Variants in FSTL4 observed in about 807,000 individuals in gnomAD.
FSTL4 encodes the protein follistatin like 4.
FSTL4 carries 28 observed loss-of-function variants against 78.2 expected under a neutral mutation model. That is an observed-to-expected ratio of 0.36 (90% CI 0.27 to 0.49). The LOEUF is 0.49. FSTL4 is among the 20% of genes least tolerant of loss of function. The pLI is 0.98. For synonymous variants in FSTL4, 422 were observed against 440.5 expected (o/e 0.96, Z 0.53); for missense variants, 922 against 1,084.9 (o/e 0.85, Z 2.11).
At chr5:133,833,240 G>A in the FSTL4 span, among the ~76,000 whole-genome samples, 1 of 152,288 alleles carries the variant, frequency 6.6e-6, no homozygotes, top group African/African-American at 2.4e-5. Flanking sequence ...ACTGAGATTT[G>A]GGAGGTTGTT....
chr5:133,417,958 TAAAAAAAAAAA>T (rs527415337), intron 3 of FSTL4, among the ~76,000 whole-genome samples: 956 of 51,122 alleles, frequency 0.019, 29 homozygotes, highest in African/African-American at 0.094. Context: ...GACTCCATCT[TAAAAAAAAAAA>T]AAAAAAAAAA....
At chr5:133,776,940 C>CA in the FSTL4 span, among the ~76,000 whole-genome samples, 3 of 152,272 alleles carry the variant, frequency 2.0e-5, no homozygotes, top group South Asian at 6.2e-4. Context: ...TGGCCTACCC[C>CA]TTTGTGCCTA....
intron 4 of FSTL4, among the ~76,000 whole-genome samples, chr5:133,327,195 G>A (rs1203025880): frequency 6.6e-6 from 1 of 152,212 alleles, no homozygotes; most frequent in Non-Finnish European, 1.5e-5. Flanking sequence ...TTCCCTAGAG[G>A]AAGCCCAGGA....
At chr5:133,252,850 C>T (rs1220605734) in intron 6 of FSTL4, among the ~76,000 whole-genome samples, 2 of 152,172 alleles carry the variant, frequency 1.3e-5, no homozygotes, top group Non-Finnish European at 2.9e-5. Context: ...TTCTGTGTCC[C>T]TCCGGTCCTC....
intron 3 of FSTL4, among the ~76,000 whole-genome samples, chr5:133,401,336 C>T (rs1264393847): frequency 1.3e-5 from 2 of 152,200 alleles, no homozygotes; most frequent in Admixed American, 6.5e-5. Flanking sequence ...AATGAAAACA[C>T]CCAGCTATTC....
the FSTL4 span, among the ~76,000 whole-genome samples, chr5:133,827,965 A>C: frequency 1.3e-5 from 2 of 152,160 alleles, no homozygotes; most frequent in African/African-American, 2.4e-5. Context: ...AATGCTGAAC[A>C]CTTGGTATCT....
intron 2 of FSTL4, among the ~76,000 whole-genome samples, chr5:133,600,890 A>T (rs563424608): frequency 9.2e-5 from 14 of 152,364 alleles, no homozygotes; most frequent in African/African-American, 3.1e-4. Context: ...TCACTTATTT[A>T]GAGTCTCAGG....
intron 2 of FSTL4, among the ~76,000 whole-genome samples, chr5:133,595,480 C>T (rs1760718975): frequency 6.6e-6 from 1 of 152,202 alleles, no homozygotes; most frequent in Non-Finnish European, 1.5e-5. Flanking sequence ...GCTTTCTGGA[C>T]ACTGAGGATA....
At chr5:133,713,475 T>A in the FSTL4 span, among the ~76,000 whole-genome samples, 3 of 152,206 alleles carry the variant, frequency 2.0e-5, no homozygotes, top group Non-Finnish European at 4.4e-5. Flanking sequence ...AAGCACCCAG[T>A]GGTGATGCAG....
At chr5:133,628,332 T>C in the FSTL4 span, among the ~76,000 whole-genome samples, 3 of 151,778 alleles carry the variant, frequency 2.0e-5, no homozygotes, top group Non-Finnish European at 4.4e-5. Context: ...GGAGCTGATT[T>C]TTTTTGTTTG....
chr5:133,807,902 C>T, the FSTL4 span, among the ~76,000 whole-genome samples: 7 of 152,218 alleles, frequency 4.6e-5, no homozygotes, highest in Admixed American at 6.5e-5. Flanking sequence ...TGATTTCCAG[C>T]CTGAATCCTC....
Position 133,426,279 on chromosome 5 carries a change from T to C in FSTL4, c.161-25293A>G, listed in dbSNP as rs1756812728. ...AAGGGAGGACACAGGGAGCAAAGGA[T>C]AGCCGGGAGTCTGGGGAGGTGAGAG... On this transcript the variant is annotated intron_variant, in intron 3 of 15. Transcript: ENST00000265342. This position sits in a 1 kb window ranked among gnomAD's most constrained non-coding sequence, Gnocchi z 5.0. Among the ~76,000 whole-genome samples, 1 of 152,212 alleles carries C rather than the reference T, an allele frequency of 6.6e-6. No individual in the cohort carries two copies. Among genetic ancestry groups the C allele is most frequent in the Non-Finnish European group, 1.5e-5 (1 of 68,026 alleles).
At chr5:133,702,603 G>A in the FSTL4 span, among the ~76,000 whole-genome samples, 1 of 152,282 alleles carries the variant, frequency 6.6e-6, no homozygotes, top group South Asian at 2.1e-4. Flanking sequence ...CCACTTGCCT[G>A]TTCTCTAGAC....
At chr5:133,350,530 C>T (rs1442063728) in intron 4 of FSTL4, among the ~76,000 whole-genome samples, 1 of 152,210 alleles carries the variant, frequency 6.6e-6, no homozygotes, top group East Asian at 1.9e-4. Context: ...GGTTTAGGTT[C>T]CTGTTTTCTT....
At chr5:133,405,507 CAG>C (rs1251860789) in intron 3 of FSTL4, among the ~76,000 whole-genome samples, 2 of 152,190 alleles carry the variant, frequency 1.3e-5, no homozygotes, top group East Asian at 1.9e-4. Context: ...CACCAACACA[CAG>C]GGGAGCGGCA....
At chr5:133,631,302 G>GAA in the FSTL4 span, among the ~76,000 whole-genome samples, 1 of 143,330 alleles carries the variant, frequency 7.0e-6, no homozygotes, top group Admixed American at 6.9e-5. Context: ...ACATTTACAA[G>GAA]AAAAAAAAAA....
intron 4 of FSTL4, among the ~76,000 whole-genome samples, chr5:133,377,830 A>AC (rs1755473023): frequency 6.6e-6 from 1 of 152,216 alleles, no homozygotes; most frequent in Non-Finnish European, 1.5e-5. Flanking sequence ...ATACACAGAG[A>AC]TCCAGGTGCA....
At chr5:133,684,973 C>A in the FSTL4 span, among the ~76,000 whole-genome samples, 5 of 152,366 alleles carry the variant, frequency 3.3e-5, no homozygotes, top group African/African-American at 9.6e-5. Context: ...ACATGCTTCA[C>A]TTTAGTCTAC....
intron 11 of FSTL4, 92 bp from the exon 12 acceptor site, chr5:133,220,958 C>T (rs763455772): frequency 8.7e-6 from 7 of 804,362 alleles, no homozygotes; most frequent in South Asian, 2.7e-5. Context: ...AAACCGGCCA[C>T]GTGGATGCAT....
Sources: allele counts gnomAD v4.1 joint callset (sites outside exome capture counted in the v4.1 genomes callset), GRCh38; gene constraint gnomAD v4.1.1; non-coding constraint Gnocchi (gnomAD v3.1); transcripts MANE v1.5; gene names NCBI Gene and HGNC (gene_info 2026-07-23, HGNC 2026-07-21).